PRUNE2: variants seen among roughly 807,000 people sequenced by gnomAD.
PRUNE2 encodes protein prune homolog 2.
PRUNE2 carries 164 observed loss-of-function variants against 252.0 expected under a neutral mutation model. The observed-to-expected ratio is 0.65, with a 90% CI of 0.57 to 0.74. PRUNE2 has a LOEUF of 0.74. Ranked by LOEUF, PRUNE2 falls within the 30% of genes least tolerant of loss-of-function variation. The pLI, the probability that PRUNE2 is intolerant of heterozygous loss-of-function variation, is 0.00. For missense variants in PRUNE2, 3,495 were observed against 3,711.0 expected (o/e 0.94, Z 1.51); for synonymous variants, 1,292 against 1,350.2 (o/e 0.96, Z 0.94).
intron 17 of PRUNE2, among the ~76,000 whole-genome samples, chr9:76,623,618 A>G (rs543905991): frequency 1.3e-5 from 2 of 152,208 alleles, no homozygotes; most frequent in South Asian, 4.1e-4. Context: ...CAATAGGGGC[A>G]GAGGTTAACT....
In PRUNE2 at chr9:76,705,804, T is replaced by A. The variant is rs376951978; in HGVS notation, c.6470A>T (p.Asn2157Ile). 6.2e-7 allele frequency: 1 copy of A among 1,613,846 alleles called. No individual in the cohort carries two copies. Among genetic ancestry groups the A allele is most frequent in the Non-Finnish European group, 8.5e-7 (1 of 1,179,882 alleles). The change falls in exon 8 of 19, where the codon AAT becomes ATT. Residue 2157 changes from asparagine to isoleucine, a missense_variant. Coordinates refer to ENST00000376718, the MANE Select transcript of PRUNE2 (RefSeq NM_015225.3). ...YEPGREFVPS[N>I]AELDSENATV... The stretch of plus-strand genomic sequence containing the variant: ...TGCGTTTTCAGAATCGAGTTCTGCA[T>A]TGGATGGGACAAACTCCCGTCCAGG...
In PRUNE2 at chr9:76,612,378, C is replaced by G. The variant is rs904091171; in HGVS notation, c.*2192G>C. 9.2e-5 allele frequency: 14 copies of G among 152,180 alleles called. No individual in the cohort carries two copies. The highest frequency in any genetic ancestry group is 3.1e-4 in the African/African-American group (13 of 41,432). 9.4% of individuals were successfully genotyped at this position (152,180 alleles called of 1,614,324 possible). ...CCCTCTATGAACAGCTCTATGCCCT[C>G]AGGTTTGCACCACTACACTGAACAC... On this transcript the variant is annotated 3_prime_UTR_variant, in exon 19 of 19. Coordinates refer to ENST00000376718, the MANE Select transcript of PRUNE2 (RefSeq NM_015225.3).
At chr9:76,652,310 T>C (rs903679375) in intron 11 of PRUNE2, 173 bp downstream of exon 11, 7 of 605,078 alleles carry the variant, frequency 1.2e-5, no homozygotes, top group South Asian at 4.1e-5. Context: ...CTGTGACCCA[T>C]ACTTTCTCTG....
chr9:76,765,074 T>C (rs527587713), intron 6 of PRUNE2, among the ~76,000 whole-genome samples: 2 of 152,162 alleles, frequency 1.3e-5, no homozygotes, highest in Non-Finnish European at 2.9e-5. Flanking sequence ...AAGTTAGAGA[T>C]ATACGTTTTG....
chr9:76,684,094 A>G (rs114317108), intron 9 of PRUNE2, among the ~76,000 whole-genome samples: 2,206 of 152,222 alleles, frequency 0.014, 44 homozygotes, highest in African/African-American at 0.05. Context: ...TTTTGTGGTG[A>G]AAACATTTAA....
At chr9:76,758,502 A>T (rs867901852) in intron 6 of PRUNE2, 2,410 of 137,912 alleles carry the variant, frequency 0.017, 25 homozygotes, top group Non-Finnish European at 0.025. Context: ...CTTTAAAAAA[A>T]TTTTTTTTTT....
intron 1 of PRUNE2, among the ~76,000 whole-genome samples, chr9:76,901,158 A>G (rs1002929536): frequency 2.5e-4 from 38 of 152,196 alleles, no homozygotes; most frequent in African/African-American, 8.7e-4. Flanking sequence ...CAAAGGTCCC[A>G]GGACTGGGAC....
chr9:76,776,762 A>G (rs1589163952), intron 6 of PRUNE2, among the ~76,000 whole-genome samples: 1 of 143,986 alleles, frequency 6.9e-6, no homozygotes, highest in Non-Finnish European at 1.5e-5. Context: ...TGATCCACCC[A>G]CCTCAGCCTC....
At chr9:76,758,628 G>A (rs2051392205) in intron 6 of PRUNE2, 1 of 152,068 alleles carries the variant, frequency 6.6e-6, no homozygotes, top group South Asian at 2.1e-4. Flanking sequence ...GAGTAGCTGG[G>A]ACTACAGGCA....
intron 1 of PRUNE2, among the ~76,000 whole-genome samples, chr9:76,878,106 G>C (rs1261113331): frequency 1.3e-5 from 2 of 152,172 alleles, no homozygotes; most frequent in Non-Finnish European, 2.9e-5. Context: ...TCAGCACTAT[G>C]GTGAATCAGA....
At chr9:76,649,517 T>A (rs1452456936) in intron 11 of PRUNE2, among the ~76,000 whole-genome samples, 1 of 151,934 alleles carries the variant, frequency 6.6e-6, no homozygotes, top group Non-Finnish European at 1.5e-5. Context: ...GCCTGGGTGG[T>A]CGAGGTGGCA....
chr9:76,714,160 G>A (rs2046956606), intron 6 of PRUNE2, among the ~76,000 whole-genome samples: 1 of 152,002 alleles, frequency 6.6e-6, no homozygotes, highest in Non-Finnish European at 1.5e-5. Flanking sequence ...TAACTCCAAG[G>A]AGAAATTCCT....
chr9:76,744,034 T>C (rs990295888), intron 6 of PRUNE2, among the ~76,000 whole-genome samples: 8 of 152,340 alleles, frequency 5.3e-5, no homozygotes, highest in African/African-American at 1.9e-4. Context: ...CTCAAGTTTG[T>C]CTAAGTGCAC....
chr9:76,891,198 G>A (rs1472178962), intron 1 of PRUNE2, among the ~76,000 whole-genome samples: 1 of 152,190 alleles, frequency 6.6e-6, no homozygotes, highest in Non-Finnish European at 1.5e-5. Context: ...TAATGAATAT[G>A]ATCCAAATGA....
intron 9 of PRUNE2, chr9:76,692,407 G>C: frequency 2.1e-6 from 1 of 467,040 alleles, no homozygotes; most frequent in South Asian, 2.9e-5. Context: ...AGTGAGACTG[G>C]ATGTGAATGG....
At chr9:76,888,307 G>T (rs112316173) in intron 1 of PRUNE2, among the ~76,000 whole-genome samples, 1 of 152,156 alleles carries the variant, frequency 6.6e-6, no homozygotes, top group African/African-American at 2.4e-5. Flanking sequence ...GGCTGGGCAC[G>T]GTGGCTCACG....
rs372423778 is a variant in PRUNE2 at position 76,614,567 on chromosome 9, C to G, written c.*3G>C. 80 of 1,611,570 alleles carry G rather than the reference C, an allele frequency of 5.0e-5. No individual in the cohort carries two copies. The East Asian group carries it at 1.4e-3, about 29-fold the overall frequency. Reference sequence around the variant, plus strand: ...AAGCATCCTCTTCTTCCAGCATGGCCAACTAAGGCTTTTCTTTCAGCTTCA... The same window carrying G: ...AAGCATCCTCTTCTTCCAGCATGGCGAACTAAGGCTTTTCTTTCAGCTTCA... On this transcript the variant is annotated 3_prime_UTR_variant, in exon 19 of 19. Coordinates refer to ENST00000376718, the MANE Select transcript of PRUNE2 (RefSeq NM_015225.3).
intron 15 of PRUNE2, among the ~76,000 whole-genome samples, chr9:76,633,256 T>C (rs900251163): frequency 1.3e-5 from 2 of 151,640 alleles, no homozygotes; most frequent in Admixed American, 6.6e-5. Flanking sequence ...GTAAAAATCA[T>C]AGTAAATTCA....
At chr9:76,869,273 A>T (rs1307389325) in intron 1 of PRUNE2, 1 of 152,178 alleles carries the variant, frequency 6.6e-6, no homozygotes, top group Non-Finnish European at 1.5e-5. Flanking sequence ...AGTGGGAGGG[A>T]GGAGAAGATT....
Sources: gnomAD v4.1 joint callset for allele counts (sites outside exome capture counted in the v4.1 genomes callset) on GRCh38, gnomAD v4.1.1 for gene constraint, MANE v1.5 for transcripts, NCBI Gene and HGNC (gene_info 2026-07-23, HGNC 2026-07-21) for gene names.